The following DNAAF10 variants were observed in gnomAD, a reference collection of about 807,000 sequenced individuals.
DNAAF10 encodes the protein dynein axonemal assembly factor 10, also known as WD repeat domain 92.
A neutral mutation model predicts 43.7 loss-of-function variants in DNAAF10; 28 were observed. The ratio of observed to expected loss-of-function variants is 0.64; its 90% CI spans 0.48 to 0.88. DNAAF10 has a LOEUF of 0.88. Ranked by LOEUF, DNAAF10 falls within the 40% of genes least tolerant of loss-of-function variation. The pLI is 0.00. For synonymous variants in DNAAF10, 156 were observed against 157.3 expected, an observed-to-expected ratio of 0.99 and a Z score of 0.06; for missense variants, 403 against 439.1, an observed-to-expected ratio of 0.92 and a Z score of 0.73.
intron 1 of DNAAF10, 28 bp downstream of exon 1, chr2:68,157,233 C>T: frequency 6.3e-7 from 1 of 1,597,126 alleles, no homozygotes; most frequent in Non-Finnish European, 8.5e-7. Context: ...CCCCCAACGG[C>T]AGTCCGGATC....
Position 68,153,861 on chromosome 2 carries a change from C to T in DNAAF10, c.183+3400G>A, listed in dbSNP as rs142632726. Among the ~76,000 whole-genome samples the T allele has an allele frequency of 2.9e-3, 435 of 147,794 alleles. 1 individual carries two copies. The highest frequency in any genetic ancestry group is 9.4e-3 in the African/African-American group (378 of 40,174). ...CTGCCTCCCGGGTTCAAGTGATTCT[C>T]GTGCCTCAGCCTCCTGAGTAGCTGG... On this transcript the variant is annotated intron_variant, in intron 1 of 7. Coordinates refer to ENST00000295121, the MANE Select transcript of DNAAF10 (RefSeq NM_138458.4).
intron 1 of DNAAF10, among the ~76,000 whole-genome samples, chr2:68,148,429 C>G (rs1397273116): frequency 6.6e-6 from 1 of 152,214 alleles, no homozygotes; most frequent in Non-Finnish European, 1.5e-5. Context: ...AATATCAGTT[C>G]TTATCTGGTT....
chr2:68,133,457 A>G (rs1239023486), intron 7 of DNAAF10, among the ~76,000 whole-genome samples: 7 of 152,038 alleles, frequency 4.6e-5, no homozygotes, highest in Non-Finnish European at 7.4e-5. Flanking sequence ...GCTTCGATCT[A>G]AAGTGTTCAC....
At chr2:68,143,908 A>C (rs1024172718) in intron 3 of DNAAF10, among the ~76,000 whole-genome samples, 1 of 152,208 alleles carries the variant, frequency 6.6e-6, no homozygotes, top group African/African-American at 2.4e-5. Context: ...TTGAGTACCC[A>C]CTAGAAAATT....
intron 1 of DNAAF10, among the ~76,000 whole-genome samples, chr2:68,148,797 A>G (rs1337196089): frequency 6.6e-6 from 1 of 152,222 alleles, no homozygotes; most frequent in Non-Finnish European, 1.5e-5. Flanking sequence ...CCTGCTCCCT[A>G]TAAAAATTCA....
intron 1 of DNAAF10, among the ~76,000 whole-genome samples, chr2:68,152,549 T>C (rs754350782): frequency 2.6e-5 from 4 of 152,226 alleles, no homozygotes; most frequent in East Asian, 1.9e-4. Flanking sequence ...CCCCATTAGA[T>C]AGTTTATCTA....
intron 1 of DNAAF10, among the ~76,000 whole-genome samples, chr2:68,155,678 T>A (rs990820985): frequency 6.6e-6 from 1 of 151,850 alleles, no homozygotes; most frequent in Admixed American, 6.6e-5. Context: ...GGGACAGAGC[T>A]ACGCCATCCC....
Position 68,141,809 on chromosome 2 carries a change from A to T in DNAAF10, c.416-14T>A. 6.2e-7 allele frequency: 1 copy of T among 1,609,926 alleles called. No individual in the cohort carries two copies. Among genetic ancestry groups the T allele is most frequent in the Non-Finnish European group, 8.5e-7 (1 of 1,177,964 alleles). ...CCTTCACAGTTCCTGCCATGCATAAAAGTGAGTTGGCAAAAATTCAAAAGT... is the reference window on the plus strand; with the variant it reads ...CCTTCACAGTTCCTGCCATGCATAATAGTGAGTTGGCAAAAATTCAAAAGT... On this transcript the variant is annotated splice_polypyrimidine_tract_variant and intron_variant, in intron 3 of 7. Coordinates refer to ENST00000295121, the MANE Select transcript of DNAAF10 (RefSeq NM_138458.4).
At chr2:68,156,101 C>CAAAA (rs10606309) in intron 1 of DNAAF10, among the ~76,000 whole-genome samples, 3 of 58,590 alleles carry the variant, frequency 5.1e-5, no homozygotes, top group Admixed American at 2.3e-4. Context: ...GACCCTGTCT[C>CAAAA]AAAAAAAAAA....
At chr2:68,149,524 T>C (rs773058169) in intron 1 of DNAAF10, among the ~76,000 whole-genome samples, 4 of 152,184 alleles carry the variant, frequency 2.6e-5, no homozygotes, top group Non-Finnish European at 4.4e-5. Flanking sequence ...TCCCATTTTT[T>C]CCCAATTTTA....
intron 3 of DNAAF10, 42 bp downstream of exon 3, chr2:68,144,543 A>G (rs755799493): frequency 3.1e-6 from 5 of 1,603,000 alleles, no homozygotes; most frequent in Non-Finnish European, 4.2e-6. Flanking sequence ...AGAGATTTCC[A>G]TTAAAATAAA....
intron 1 of DNAAF10, 154 bp downstream of exon 1, chr2:68,157,107 A>C (rs1673642305): frequency 9.5e-7 from 1 of 1,052,288 alleles, no homozygotes; most frequent in African/African-American, 1.6e-5. Flanking sequence ...TTAAATAGGA[A>C]ACATTCCTCA....
At chr2:68,138,614 AAAAGTT>A in intron 5 of DNAAF10, 122 bp downstream of exon 5, 1 of 708,846 alleles carries the variant, frequency 1.4e-6, no homozygotes, top group Non-Finnish European at 2.4e-6. Context: ...TTTGGCCTCA[AAAAGTT>A]AAGAACCGTT....
In DNAAF10 at chr2:68,144,731, A is replaced by G; in HGVS notation, c.285-16T>C. 1 of 1,604,752 alleles carries G rather than the reference A, an allele frequency of 6.2e-7. No homozygotes were observed. Among genetic ancestry groups the G allele is most frequent in the South Asian group, 1.1e-5 (1 of 88,908 alleles). On this transcript the variant is annotated splice_polypyrimidine_tract_variant and intron_variant, in intron 2 of 7. Coordinates refer to ENST00000295121, the MANE Select transcript of DNAAF10 (RefSeq NM_138458.4). ...TTCTAAATTCCTAAACAACAAACAC[A>G]GCTTCTTACACCACATATCCCAAAC...
intron 1 of DNAAF10, among the ~76,000 whole-genome samples, chr2:68,155,157 A>G (rs1233314213): frequency 1.3e-5 from 2 of 152,006 alleles, no homozygotes; most frequent in Non-Finnish European, 2.9e-5. Context: ...CTGTTTCAAA[A>G]AAAAAAAAAA....
chr2:68,156,508 C>CA (rs1386228709), intron 1 of DNAAF10, among the ~76,000 whole-genome samples: 6 of 152,140 alleles, frequency 3.9e-5, no homozygotes, highest in Non-Finnish European at 7.4e-5. Context: ...TAGTAATCTT[C>CA]AAAAAAACCT....
intron 2 of DNAAF10, among the ~76,000 whole-genome samples, chr2:68,146,912 C>G (rs894784738): frequency 1.3e-5 from 2 of 151,956 alleles, no homozygotes; most frequent in African/African-American, 4.8e-5. Flanking sequence ...AATTTCAATT[C>G]ATTCCACTCT....
At chr2:68,141,565 G>C in intron 4 of DNAAF10, 129 bp downstream of exon 4, 2 of 800,156 alleles carry the variant, frequency 2.5e-6, no homozygotes, top group Non-Finnish European at 3.9e-6. Flanking sequence ...ACCACCACGT[G>C]TATTTGCCTC....
At chr2:68,133,401 AGTTCTT>A (rs1286021728) in intron 7 of DNAAF10, among the ~76,000 whole-genome samples, 1 of 151,988 alleles carries the variant, frequency 6.6e-6, no homozygotes, top group Non-Finnish European at 1.5e-5. Flanking sequence ...ACGCCCGGCT[AGTTCTT>A]GTATTTTTAG....
Sources: allele counts gnomAD v4.1 joint callset (sites outside exome capture counted in the v4.1 genomes callset), GRCh38; gene constraint gnomAD v4.1.1; transcripts MANE v1.5; gene names NCBI Gene and HGNC (gene_info 2026-07-23, HGNC 2026-07-21).